Variants in SLC43A2 observed in about 807,000 individuals in gnomAD.
SLC43A2 encodes solute carrier family 43 member 2.
In SLC43A2, 38 loss-of-function variants were observed where a neutral mutation model predicts 63.2. The observed-to-expected ratio is 0.60, with a 90% confidence interval of 0.46 to 0.79. The LOEUF (loss-of-function observed/expected upper bound fraction) is 0.79. SLC43A2 is among the 30% of genes least tolerant of loss of function. The pLI is 0.00. For synonymous variants in SLC43A2, 322 were observed against 331.0 expected, an observed-to-expected ratio of 0.97 and a Z score of 0.30; for missense variants, 644 against 756.2, an observed-to-expected ratio of 0.85 and a Z score of 1.74.
intron 5 of SLC43A2, among the ~76,000 whole-genome samples, chr17:1,597,219 A>G (rs917389888): frequency 1.5e-5 from 2 of 131,204 alleles, no homozygotes; most frequent in Non-Finnish European, 3.3e-5. Context: ...TTTTAAAAAA[A>G]AGAGGCTGGG....
At position 1,583,069 on chromosome 17, in the gene SLC43A2, A is replaced by C; in HGVS notation, c.1350+135T>G. The C allele has an allele frequency of 1.0e-6, 1 of 982,828 alleles. No individual in the cohort carries two copies. The highest frequency in any genetic ancestry group is 1.5e-6 in the Non-Finnish European group (1 of 666,184). The allele number at this position is 982,828 out of a possible 1,614,324, so 60.9% of individuals were successfully genotyped here. On this transcript the variant is annotated intron_variant, in intron 11 of 13. Transcript: ENST00000301335. The surrounding 1 kb of genome is among the most constrained non-coding windows in gnomAD (Gnocchi z 5.5). ...ACTCCAGCCTGAGCAACAGAGTTTG[A>C]CTCTGTCTCAAAAAAATAAAGAAAG...
chr17:1,618,250 G>C (rs542501936), intron 2 of SLC43A2, among the ~76,000 whole-genome samples: 31 of 152,338 alleles, frequency 2.0e-4, no homozygotes, highest in Admixed American at 5.9e-4. Context: ...TCCAGTGTTT[G>C]ATTCTCCACT....
intron 2 of SLC43A2, 85 bp downstream of exon 2, chr17:1,627,630 G>C: frequency 1.0e-6 from 1 of 985,318 alleles, no homozygotes. Flanking sequence ...GCGGTGCTGT[G>C]GCTCGCTAGG....
chr17:1,587,396 G>A (rs2076121481), intron 9 of SLC43A2, among the ~76,000 whole-genome samples: 1 of 152,242 alleles, frequency 6.6e-6, no homozygotes, highest in African/African-American at 2.4e-5. Context: ...GAGAGGGAAA[G>A]GTCAAAGAAC....
At chr17:1,585,662 A>C (rs2076090114) in intron 10 of SLC43A2, 2 of 1,407,748 alleles carry the variant, frequency 1.4e-6, no homozygotes, top group Non-Finnish European at 1.9e-6. Context: ...TGCTGGGATT[A>C]CAGGCATGAG....
intron 8 of SLC43A2, 101 bp from the exon 9 acceptor site, chr17:1,591,049 G>A (rs567194837): frequency 2.6e-5 from 36 of 1,377,212 alleles, no homozygotes; most frequent in South Asian, 2.1e-4. Context: ...GGGGGCCCTC[G>A]GGACGGGCCT....
chr17:1,591,739 G>GCCGGCCC, intron 6 of SLC43A2, 40 bp from the exon 7 acceptor site: 1 of 512,308 alleles, frequency 2.0e-6, no homozygotes, highest in Non-Finnish European at 3.9e-6. Flanking sequence ...GGGGGAGGGG[G>GCCGGCCC]CAGAGTTAGC....
At position 1,627,808 on chromosome 17, in the gene SLC43A2, T is replaced by C; in HGVS notation, c.67A>G (p.Asn23Asp). The C allele has an allele frequency of 1.3e-6, 2 of 1,596,274 alleles. No homozygotes were observed. The highest frequency in any genetic ancestry group is 4.5e-5 in the East Asian group (2 of 44,022). Reference protein sequence around the residue: ...WWMACTAVLENLLFSAVLLGW... With the variant: ...WWMACTAVLEDLLFSAVLLGW... ...AGGAGGACTGCCGAGAAGAGGAGGT[T>C]CTCCAGCACGGCCGTGCAGGCCATC... is the stretch of plus-strand genomic sequence containing the variant. Residue 23 changes from asparagine to aspartate, a missense_variant, in exon 2 of 14, where the codon AAC (asparagine) becomes GAC (aspartate). Physicochemically the swap from Asn to Asp is conservative, Grantham distance 23. Coordinates refer to ENST00000301335, the MANE Select transcript of SLC43A2 (RefSeq NM_152346.3).
At chr17:1,595,565 C>T (rs1247657982) in intron 5 of SLC43A2, among the ~76,000 whole-genome samples, 3 of 152,044 alleles carry the variant, frequency 2.0e-5, no homozygotes, top group South Asian at 2.1e-4. Context: ...CCTGCCTCAG[C>T]GTCCTGTGTG....
At chr17:1,586,462 C>T (rs930400038) in intron 9 of SLC43A2, among the ~76,000 whole-genome samples, 6 of 152,006 alleles carry the variant, frequency 3.9e-5, no homozygotes, top group South Asian at 2.1e-4. Context: ...TTTGGGAGCC[C>T]GAGGTGGGCG....
At position 1,607,735 on chromosome 17, in the gene SLC43A2, A is replaced by T. The variant is rs532962154; in HGVS notation, c.501+5460T>A. 4.4e-3 allele frequency among the ~76,000 whole-genome samples: 669 copies of T among 150,582 alleles called. 8 individuals carry two copies. The highest frequency in any genetic ancestry group is 0.016 in the African/African-American group (636 of 40,968). On this transcript the variant is annotated intron_variant, in intron 5 of 13. Transcript: ENST00000301335. ...CAGACAATAGACTTTTTTTTTTTTG[A>T]GTCAGAGTCTCGCTCTGTCACCCAT... is the stretch of plus-strand genomic sequence containing the variant.
chr17:1,585,176 T>G lies in SLC43A2; in HGVS notation c.1217+737A>C, dbSNP rs186344439. On this transcript the variant is annotated intron_variant, in intron 10 of 13. Transcript: ENST00000301335. ...GGGTGGTCTTAGGAGCAAAATGGTCTGCTAGCCATTGTCTGTACACTTTCA... is the reference window on the plus strand; with the variant it reads ...GGGTGGTCTTAGGAGCAAAATGGTCGGCTAGCCATTGTCTGTACACTTTCA... The G allele has an allele frequency of 4.9e-5, 48 of 989,580 alleles. No individual in the cohort carries two copies. In the African/African-American group the frequency reaches 6.4e-4, roughly 13 times the overall value. 61.3% of individuals were successfully genotyped at this position (989,580 alleles called of 1,614,324 possible).
chr17:1,626,257 G>A (rs1054538), intron 2 of SLC43A2, among the ~76,000 whole-genome samples: 28,467 of 150,362 alleles, frequency 0.19, 3,257 homozygotes, highest in East Asian at 0.45. Flanking sequence ...TCTCTAAGGG[G>A]GGAGAGAGGA....
rs529170281 is a variant in SLC43A2, at chr17:1,585,946, G to A, written c.1184C>T (p.Ala395Val). Reference protein sequence around the residue: ...MDWRLKECEDASEEPEEKDAN... With the variant: ...MDWRLKECEDVSEEPEEKDAN... ...GTCTTTCTCCTCGGGCTCCTCGGAG[G>A]CGTCTTCACACTCCTTCAGCCTCCA... Residue 395 changes from alanine (A) to valine (V), a missense_variant, in exon 10 of 14, where the codon GCC (alanine) becomes GTC (valine). This residue lies in a region of SLC43A2 where 528 missense variants were observed against 623.6 expected (regional missense o/e 0.85). Coordinates refer to ENST00000301335, the MANE Select transcript of SLC43A2 (RefSeq NM_152346.3). 3 of 1,613,704 alleles carry A rather than the reference G, an allele frequency of 1.9e-6. No homozygotes were observed. Among genetic ancestry groups the A allele is most frequent in the Middle Eastern group, 1.7e-4 (1 of 6,054 alleles).
Position 1,577,841 on chromosome 17 carries a change from T to A in SLC43A2, c.1424+409A>T, listed in dbSNP as rs566878598. On this transcript the variant is annotated intron_variant, in intron 12 of 13. Transcript: ENST00000301335. The surrounding 1 kb of genome is among the most constrained non-coding windows in gnomAD (Gnocchi z 4.9). ...GTATTCTGGACTCAGTCACCCATGT[T>A]GCTGCCCGTGATGAGGGCAACTGGA... Among the ~76,000 whole-genome samples the A allele has an allele frequency of 2.0e-5, 3 of 152,324 alleles. No individual in the cohort carries two copies. Among genetic ancestry groups the A allele is most frequent in the African/African-American group, 7.2e-5 (3 of 41,588 alleles).
chr17:1,626,362 G>A (rs1908667876), intron 2 of SLC43A2, among the ~76,000 whole-genome samples: 1 of 151,958 alleles, frequency 6.6e-6, no homozygotes, highest in Non-Finnish European at 1.5e-5. Context: ...GCTTGTTCAG[G>A]GAACAAGGTC....
intron 2 of SLC43A2, among the ~76,000 whole-genome samples, chr17:1,623,782 CT>C (rs1908390861): frequency 1.3e-5 from 2 of 148,958 alleles, no homozygotes; most frequent in Non-Finnish European, 3.0e-5. Context: ...CTGTACCCTC[CT>C]CTCCTCCAGG....
Position 1,573,970 on chromosome 17 carries a change from C to A in SLC43A2, c.*1634G>T, listed in dbSNP as rs905561710. Reference sequence around the variant, plus strand: ...GCCTAGGAGATATGTGTTCCAGGCGCCCAAGCTGTTAATGTGGAGCTTGAA... The same window carrying A: ...GCCTAGGAGATATGTGTTCCAGGCGACCAAGCTGTTAATGTGGAGCTTGAA... On this transcript the variant is annotated 3_prime_UTR_variant, in exon 14 of 14. Transcript: ENST00000301335. 2 of 152,212 alleles carry A rather than the reference C, an allele frequency of 1.3e-5. No individual in the cohort carries two copies. The highest frequency in any genetic ancestry group is 2.9e-5 in the Non-Finnish European group (2 of 68,060). 9.4% of individuals were successfully genotyped at this position (152,212 alleles called of 1,614,324 possible).
At chr17:1,597,310 C>A (rs1428106861) in intron 5 of SLC43A2, among the ~76,000 whole-genome samples, 1 of 150,610 alleles carries the variant, frequency 6.6e-6, no homozygotes, top group Non-Finnish European at 1.5e-5. Flanking sequence ...CAAGACCAGC[C>A]TGGCGAACAT....
Sources: allele counts gnomAD v4.1 joint callset (sites outside exome capture counted in the v4.1 genomes callset), GRCh38; gene constraint gnomAD v4.1.1; regional missense constraint gnomAD v4.1.1; non-coding constraint Gnocchi (gnomAD v3.1); transcripts MANE v1.5; gene names NCBI Gene and HGNC (gene_info 2026-07-23, HGNC 2026-07-21).